Variants in RIN3 observed in about 807,000 individuals in gnomAD.
RIN3 encodes the protein RAB5 interacting protein 3.
A neutral mutation model predicts 76.3 loss-of-function variants in RIN3; 54 were observed. That is an observed-to-expected ratio of 0.71 (90% confidence interval 0.57 to 0.89). The LOEUF is 0.89. Ranked by LOEUF, RIN3 falls within the 40% of genes least tolerant of loss-of-function variation. RIN3 has a pLI of 0.00. For missense variants in RIN3, 1,256 were observed against 1,322.1 expected (o/e 0.95, Z 0.78); for synonymous variants, 576 against 564.0 (o/e 1.02, Z -0.30).
At chr14:92,567,018 A>G (rs141514056) in intron 2 of RIN3, among the ~76,000 whole-genome samples, 31 of 152,322 alleles carry the variant, frequency 2.0e-4, no homozygotes, top group Admixed American at 7.2e-4. Context: ...TGTAGTGGTC[A>G]CAAACGTGGC....
At chr14:92,553,930 G>A (rs2140033010) in intron 1 of RIN3, among the ~76,000 whole-genome samples, 1 of 152,210 alleles carries the variant, frequency 6.6e-6, no homozygotes, top group East Asian at 1.9e-4. Flanking sequence ...ACTTTCCTGT[G>A]CCCTTTTACA....
intron 1 of RIN3, among the ~76,000 whole-genome samples, chr14:92,555,313 G>T (rs1465017348): frequency 6.6e-6 from 1 of 152,128 alleles, no homozygotes; most frequent in Non-Finnish European, 1.5e-5. Flanking sequence ...TTGTACCATA[G>T]CTGTGTCTCG....
chr14:92,522,459 A>T (rs528567344), intron 1 of RIN3, among the ~76,000 whole-genome samples: 1 of 152,158 alleles, frequency 6.6e-6, no homozygotes, highest in Non-Finnish European at 1.5e-5. Context: ...AGTACGTGTT[A>T]CCTTGTATTC....
chr14:92,542,919 C>T (rs558561641), intron 1 of RIN3, among the ~76,000 whole-genome samples: 9 of 152,066 alleles, frequency 5.9e-5, no homozygotes, highest in Admixed American at 2.0e-4. Context: ...GTGGTTGCCT[C>T]GGGCTAGAGG....
intron 6 of RIN3, 97 bp from the exon 7 acceptor site, chr14:92,659,064 C>A: frequency 8.6e-7 from 1 of 1,162,660 alleles, no homozygotes; most frequent in Non-Finnish European, 1.3e-6. Flanking sequence ...CTTCCAGGGG[C>A]CAGGGGATGG....
intron 5 of RIN3, 112 bp from the exon 6 acceptor site, chr14:92,651,470 A>T: frequency 1.7e-6 from 1 of 586,388 alleles, no homozygotes; most frequent in Non-Finnish European, 3.0e-6. Flanking sequence ...TAGTGAAGCA[A>T]ATGCCTTGAA....
intron 4 of RIN3, among the ~76,000 whole-genome samples, chr14:92,627,642 T>C (rs1367298700): frequency 6.6e-6 from 1 of 152,202 alleles, no homozygotes; most frequent in Non-Finnish European, 1.5e-5. Context: ...TGTAGGCAAG[T>C]CTTTCCTTCC....
chr14:92,596,140 C>T (rs182934283), intron 3 of RIN3, among the ~76,000 whole-genome samples: 1 of 152,174 alleles, frequency 6.6e-6, no homozygotes, highest in Non-Finnish European at 1.5e-5. Context: ...AGGGAACTTG[C>T]CCCAGAGGAA....
intron 3 of RIN3, among the ~76,000 whole-genome samples, chr14:92,596,415 G>A (rs549420193): frequency 2.6e-5 from 4 of 152,270 alleles, no homozygotes; most frequent in South Asian, 2.1e-4. Flanking sequence ...GTGTGCCCCC[G>A]GATGTAACTG....
chr14:92,621,960 T>C (rs766283498), intron 4 of RIN3, among the ~76,000 whole-genome samples: 10 of 152,186 alleles, frequency 6.6e-5, no homozygotes, highest in Non-Finnish European at 1.0e-4. Context: ...TAAAGCAGTT[T>C]GGTTGTTAAA....
chr14:92,515,507 A>G (rs1034756532), intron 1 of RIN3: 11 of 486,608 alleles, frequency 2.3e-5, no homozygotes, highest in African/African-American at 2.2e-4. Context: ...GATAAATAAT[A>G]GTAACTACCC....
chr14:92,651,640 A>G lies in RIN3; in HGVS notation c.591A>G (p.Pro197=), dbSNP rs1887426423. Reference sequence around the variant, plus strand: ...AAAGAGGGAAGCCAGCAGAGCCCCCAAGAGACCGGGCCCCCGGATTCCCCC... The same window carrying G: ...AAAGAGGGAAGCCAGCAGAGCCCCCGAGAGACCGGGCCCCCGGATTCCCCC... The part of the protein sequence containing the change: ...PQERGKPAEP[P]RDRAPGFPLV... The change falls in exon 6 of 10, where the codon CCA becomes CCG. Residue 197 remains proline (P), a synonymous_variant. Coordinates refer to ENST00000216487, the MANE Select transcript of RIN3 (RefSeq NM_024832.5). The G allele has an allele frequency of 1.2e-6, 2 of 1,612,910 alleles. No individual in the cohort carries two copies. Among genetic ancestry groups the G allele is most frequent in the Non-Finnish European group, 1.7e-6 (2 of 1,179,510 alleles).
At position 92,659,359 on chromosome 14, in the gene RIN3, T is replaced by C. The variant is rs1887793911; in HGVS notation, c.2225T>C (p.Ile742Thr). Reference sequence around the variant, plus strand: ...CCGGAGGTGCCCATGATGGAGAAGATCCTGCAGAAGTTCACCAGCATGCAC... The same window carrying C: ...CCGGAGGTGCCCATGATGGAGAAGACCCTGCAGAAGTTCACCAGCATGCAC... ...SVPEVPMMEK[I>T]LQKFTSMHKA... is the part of the protein sequence containing the mutation. The change falls in exon 7 of 10, where the codon ATC becomes ACC. Residue 742 changes from isoleucine (I) to threonine (T), a missense_variant. This residue lies in a region of RIN3 where 428 missense variants were observed against 521.2 expected (regional missense o/e 0.82). Coordinates refer to ENST00000216487, the MANE Select transcript of RIN3 (RefSeq NM_024832.5). 6.2e-7 allele frequency: 1 copy of C among 1,612,712 alleles called. No homozygotes were observed. The highest frequency in any genetic ancestry group is 1.1e-5 in the South Asian group (1 of 90,928).
intron 4 of RIN3, among the ~76,000 whole-genome samples, chr14:92,628,083 C>T (rs1595466673): frequency 6.6e-6 from 1 of 152,160 alleles, no homozygotes; most frequent in Non-Finnish European, 1.5e-5. Context: ...CGAGGGTGGG[C>T]GTTTGACAGG....
chr14:92,615,640 G>T (rs1885930109), intron 4 of RIN3, 161 bp downstream of exon 4: 2 of 649,082 alleles, frequency 3.1e-6, no homozygotes, highest in Admixed American at 5.1e-5. Flanking sequence ...CACAGAGGAT[G>T]TGTTGGCTCT....
intron 1 of RIN3, among the ~76,000 whole-genome samples, chr14:92,552,343 T>C (rs1897450339): frequency 6.6e-6 from 1 of 152,296 alleles, no homozygotes; most frequent in Admixed American, 6.5e-5. Flanking sequence ...TGTGGATTCC[T>C]GCAGACCCTC....
Position 92,577,252 on chromosome 14 carries a change from G to A in RIN3, c.250-108G>A, listed in dbSNP as rs537278442. On this transcript the variant is annotated intron_variant, in intron 2 of 9. Transcript: ENST00000216487. ...GAGGCATCCTTGATCTCCCTAGCCT[G>A]CCTCATCATTTCAGGAACCTTCCAG... 8 of 707,146 alleles carry A rather than the reference G, an allele frequency of 1.1e-5. No individual in the cohort carries two copies. In the East Asian group the frequency reaches 2.2e-4, roughly 19 times the overall value. 43.8% of individuals were successfully genotyped at this position (707,146 alleles called of 1,614,324 possible). A position where few individuals can be genotyped will look rare whatever the true frequency, so the allele number is the denominator to read the frequency against.
chr14:92,552,955 A>C (rs1164948620), intron 1 of RIN3, among the ~76,000 whole-genome samples: 1 of 149,470 alleles, frequency 6.7e-6, no homozygotes, highest in Non-Finnish European at 1.5e-5. Flanking sequence ...GCACAGCCCG[A>C]GTGAATGAGA....
At chr14:92,519,378 T>C (rs1896530544) in intron 1 of RIN3, among the ~76,000 whole-genome samples, 1 of 152,228 alleles carries the variant, frequency 6.6e-6, no homozygotes, top group African/African-American at 2.4e-5. Context: ...CCATGGCTCC[T>C]TGCCAAGTGG....
Sources: gnomAD v4.1 joint callset for allele counts (sites outside exome capture counted in the v4.1 genomes callset) on GRCh38, gnomAD v4.1.1 for gene constraint, gnomAD v4.1.1 regional missense constraint, MANE v1.5 for transcripts, NCBI Gene and HGNC (gene_info 2026-07-23, HGNC 2026-07-21) for gene names.